Variants in KCNK10 observed in about 807,000 individuals in gnomAD.
KCNK10 encodes the protein potassium channel subfamily K member 10.
A neutral mutation model predicts 47.7 loss-of-function variants in KCNK10; 25 were observed. That is an observed-to-expected ratio of 0.52 (90% CI 0.38 to 0.73). The LOEUF is 0.73. Ranked by LOEUF, KCNK10 falls within the 30% of genes least tolerant of loss-of-function variation. The probability of loss-of-function intolerance (pLI) is 0.00; values close to 1 mark genes in which losing one functional copy is unlikely to be tolerated. For missense variants in KCNK10, 563 were observed against 714.5 expected, an observed-to-expected ratio of 0.79 and a Z score of 2.42; for synonymous variants, 303 against 285.6, an observed-to-expected ratio of 1.06 and a Z score of -0.61.
At chr14:88,326,340 A>T, upstream of KCNK10, 1 of 1,244,524 alleles carries the variant, frequency 8.0e-7, no homozygotes, top group Non-Finnish European at 1.2e-6. Context: ...AAGAAAACTT[A>T]GCCCTTTGGG....
chr14:88,301,488 T>C (rs1435805970), intron 1 of KCNK10, among the ~76,000 whole-genome samples: 1 of 152,036 alleles, frequency 6.6e-6, no homozygotes, highest in African/African-American at 2.4e-5. Context: ...TTCAAAGAGT[T>C]AGAGGCATGA....
chr14:88,185,747 C>A lies in KCNK10; in HGVS notation c.1420G>T (p.Val474Phe). The A allele has an allele frequency of 1.2e-6, 2 of 1,614,170 alleles. No individual in the cohort carries two copies. Among genetic ancestry groups the A allele is most frequent in the Non-Finnish European group, 1.7e-6 (2 of 1,180,028 alleles). ...KDLKKTLPEDVQKIYKTFRNY... is the reference protein window; with the variant it reads ...KDLKKTLPEDFQKIYKTFRNY... ...CGGAAGGTCTTGTAGATTTTCTGAA[C>A]GTCCTCGGGCAAGGTCTTTTTGAGG... Residue 474 changes from valine to phenylalanine, a missense_variant, in exon 7 of 7, where the codon GTT becomes TTT. Transcript: ENST00000319231. The surrounding 1 kb of genome is among the most constrained non-coding windows in gnomAD (Gnocchi z 4.3).
intron 4 of KCNK10, among the ~76,000 whole-genome samples, chr14:88,212,466 T>G (rs1054350321): frequency 6.6e-6 from 1 of 151,856 alleles, no homozygotes; most frequent in Non-Finnish European, 1.5e-5. Flanking sequence ...AAAGATACTA[T>G]AGATACTATG....
rs1023831051 is a variant in KCNK10 at position 88,185,401 on chromosome 14, C to T, written c.*134G>A. 7 of 1,263,258 alleles carry T rather than the reference C, an allele frequency of 5.5e-6. No homozygotes were observed. The highest frequency in any genetic ancestry group is 2.8e-5 in the Admixed American group (1 of 36,276). The allele number at this position is 1,263,258 out of a possible 1,614,324, so 78.3% of individuals were successfully genotyped here. ...AGCAAGCTTTCAGTTGTTTATGGCACAGTGAAATATATTCTTCAATGCTAT... is the reference window on the plus strand; with the variant it reads ...AGCAAGCTTTCAGTTGTTTATGGCATAGTGAAATATATTCTTCAATGCTAT... On this transcript the variant is annotated 3_prime_UTR_variant, in exon 7 of 7. Coordinates refer to ENST00000319231, the MANE Select transcript of KCNK10 (RefSeq NM_138317.3). The surrounding 1 kb of genome is among the most constrained non-coding windows in gnomAD (Gnocchi z 4.3).
Position 88,323,232 on chromosome 14 carries a change from ACACACACACCCG to A in KCNK10, c.-446_-435del. 3.0e-6 allele frequency: 3 copies of A among 1,013,606 alleles called. No individual in the cohort carries two copies. Among genetic ancestry groups the A allele is most frequent in the Non-Finnish European group, 3.5e-6 (3 of 846,864 alleles). The allele number at this position is 1,013,606 out of a possible 1,614,324, so 62.8% of individuals were successfully genotyped here. On this transcript the variant is annotated 5_prime_UTR_variant, in exon 1 of 7. Transcript: ENST00000319231. ...AAGGCGTGTGCGCACACACTCCCGC[ACACACACACCCG>A]CACACACACTCCCGGGCGCGCGCTT...
intron 3 of KCNK10, among the ~76,000 whole-genome samples, chr14:88,228,617 G>A (rs1298183644): frequency 6.6e-6 from 1 of 152,140 alleles, no homozygotes; most frequent in Admixed American, 6.5e-5. Context: ...TGGGTCCATG[G>A]TTATTGACAG....
intron 2 of KCNK10, among the ~76,000 whole-genome samples, chr14:88,247,492 C>T (rs1437979279): frequency 6.6e-6 from 1 of 152,200 alleles, no homozygotes. Context: ...TTTCCTACTG[C>T]CCTAAGTACC....
At position 88,323,122 on chromosome 14, in the gene KCNK10, A is replaced by G; in HGVS notation, c.-324T>C. On this transcript the variant is annotated 5_prime_UTR_variant, in exon 1 of 7. Transcript: ENST00000319231. The stretch of plus-strand genomic sequence containing the variant: ...AGATGGAAGAGCCAAGCTGCTTCCC[A>G]AAAGCGGTGCCGGCAGGTTAGGGGC... 8.5e-7 allele frequency: 1 copy of G among 1,179,618 alleles called. No homozygotes were observed. The highest frequency in any genetic ancestry group is 2.0e-5 in the South Asian group (1 of 50,926). The allele number at this position is 1,179,618 out of a possible 1,614,324, so 73.1% of individuals were successfully genotyped here.
chr14:88,222,167 T>C (rs1885834011), intron 4 of KCNK10, among the ~76,000 whole-genome samples: 2 of 152,148 alleles, frequency 1.3e-5, no homozygotes, highest in Non-Finnish European at 2.9e-5. Context: ...CAGAAACCCC[T>C]GATAAGCCTA....
At chr14:88,187,850 C>A (rs532923715) in intron 6 of KCNK10, 117 bp downstream of exon 6, 3 of 1,030,266 alleles carry the variant, frequency 2.9e-6, no homozygotes, top group Admixed American at 2.0e-5. Flanking sequence ...ACCCGCCCCC[C>A]GCTCCCCCTG....
intron 4 of KCNK10, among the ~76,000 whole-genome samples, chr14:88,217,043 GC>G (rs1885644337): frequency 6.6e-6 from 1 of 152,198 alleles, no homozygotes; most frequent in Admixed American, 6.5e-5. Context: ...TGTAGCCGCA[GC>G]TACTCAGGAG....
At chr14:88,261,996 G>A (rs2139752179) in intron 2 of KCNK10, among the ~76,000 whole-genome samples, 1 of 152,308 alleles carries the variant, frequency 6.6e-6, no homozygotes, top group Middle Eastern at 3.4e-3. Flanking sequence ...CTATGAAGGT[G>A]CCAGATCATA....
At chr14:88,208,864 T>A (rs1885366731) in intron 4 of KCNK10, among the ~76,000 whole-genome samples, 1 of 152,326 alleles carries the variant, frequency 6.6e-6, no homozygotes, top group Non-Finnish European at 1.5e-5. Flanking sequence ...CATTTGTGAC[T>A]ACTCGGGAGT....
intron 3 of KCNK10, among the ~76,000 whole-genome samples, chr14:88,227,739 C>T (rs1465423211): frequency 1.3e-5 from 2 of 152,144 alleles, no homozygotes; most frequent in African/African-American, 2.4e-5. Context: ...TTTAAGGTTT[C>T]TTGGATATTA....
chr14:88,186,089 GT>G lies in KCNK10; in HGVS notation c.1077del (p.Arg360GlyfsTer71), dbSNP rs1421241819. 2 of 1,611,106 alleles carry G rather than the reference GT, an allele frequency of 1.2e-6. No individual in the cohort carries two copies. ...KANVTAEFRE[T>X]RRRLSVEIHD... The stretch of plus-strand genomic sequence containing the variant: ...TGGATCTCCACGCTGAGCCTTCGCC[GT>G]GTCTCCCGGAACTCAGCCGTGACAT... On this transcript the variant is annotated frameshift_variant, in exon 7 of 7. Transcript: ENST00000319231. LOFTEE classifies it high-confidence loss of function. This position sits in a 1 kb window ranked among gnomAD's most constrained non-coding sequence, Gnocchi z 5.5.
At chr14:88,256,238 A>G (rs1275709854) in intron 2 of KCNK10, among the ~76,000 whole-genome samples, 1 of 152,172 alleles carries the variant, frequency 6.6e-6, no homozygotes, top group African/African-American at 2.4e-5. Context: ...CCTCTAGAAG[A>G]TCCACATACC....
intron 1 of KCNK10, among the ~76,000 whole-genome samples, chr14:88,280,701 T>C (rs572413547): frequency 1.3e-5 from 2 of 152,288 alleles, no homozygotes; most frequent in East Asian, 1.9e-4. Context: ...TCTGTTCTCT[T>C]GTCCTGTCCC....
rs190181626 is a variant in KCNK10, at chr14:88,231,123, T to C, written c.521-3588A>G. Among the ~76,000 whole-genome samples the C allele has an allele frequency of 5.1e-3, 770 of 149,666 alleles. 7 individuals are homozygous for C. The highest frequency in any genetic ancestry group is 0.019 in the African/African-American group (743 of 39,488). On this transcript the variant is annotated intron_variant, in intron 3 of 6. Coordinates refer to ENST00000319231, the MANE Select transcript of KCNK10 (RefSeq NM_138317.3). Reference sequence around the variant, plus strand: ...GCCCTTGTCTCTACAAAAAAAAAATTTTTTTAATTAGCCCGGCATGGTGGT... The same window carrying C: ...GCCCTTGTCTCTACAAAAAAAAAATCTTTTTAATTAGCCCGGCATGGTGGT...
chr14:88,244,164 A>G (rs1886557845), intron 2 of KCNK10, among the ~76,000 whole-genome samples: 1 of 151,724 alleles, frequency 6.6e-6, no homozygotes, highest in Admixed American at 6.6e-5. Flanking sequence ...ACTCTGAAAA[A>G]CTCTGGCAAA....
Sources: gnomAD v4.1 joint callset for allele counts (sites outside exome capture counted in the v4.1 genomes callset) on GRCh38, gnomAD v4.1.1 for gene constraint, Gnocchi (gnomAD v3.1) non-coding constraint, MANE v1.5 for transcripts, NCBI Gene and HGNC (gene_info 2026-07-23, HGNC 2026-07-21) for gene names.